The following FOXK1 variants were observed in gnomAD, a reference collection of about 807,000 sequenced individuals.
The protein encoded by FOXK1 is forkhead box protein K1.
A neutral mutation model predicts 51.9 loss-of-function variants in FOXK1; 19 were observed. The observed-to-expected ratio is 0.37, with a 90% confidence interval of 0.26 to 0.54. The LOEUF (loss-of-function observed/expected upper bound fraction) is 0.54, where lower values mean the gene tolerates loss of function less well. FOXK1 is among the 20% of genes least tolerant of loss of function. The probability of loss-of-function intolerance (pLI) is 0.87; values close to 1 mark genes in which losing one functional copy is unlikely to be tolerated. For synonymous variants in FOXK1, 537 were observed against 482.6 expected (o/e 1.11, Z -1.48); for missense variants, 870 against 1,032.7 (o/e 0.84, Z 2.16).
At position 4,707,524 on chromosome 7, in the gene FOXK1, A is replaced by G. The variant is rs1780117661; in HGVS notation, c.560+24656A>G. ...TTAAGATGTATTTAGCGACTCAAGT[A>G]TCTGCAGCAGCGAGAGGGTGGGTGT... On this transcript the variant is annotated intron_variant, in intron 1 of 8. Transcript: ENST00000328914. This position sits in a 1 kb window ranked among gnomAD's most constrained non-coding sequence, Gnocchi z 4.1. Among the ~76,000 whole-genome samples, 1 of 152,162 alleles carries G rather than the reference A, an allele frequency of 6.6e-6. No homozygotes were observed. Among genetic ancestry groups the G allele is most frequent in the Non-Finnish European group, 1.5e-5 (1 of 68,028 alleles).
chr7:4,685,371 C>T lies in FOXK1; in HGVS notation c.560+2503C>T, dbSNP rs377308367. Among the ~76,000 whole-genome samples, 50 of 151,722 alleles carry T rather than the reference C, an allele frequency of 3.3e-4. 1 individual carries two copies. In the South Asian group the frequency reaches 7.3e-3, roughly 22 times the overall value. ...CTGGGACTACAGGCGCACAACACCA[C>T]GCCCAGCTAATTCTTTGTATTTTTA... On this transcript the variant is annotated intron_variant, in intron 1 of 8. Transcript: ENST00000328914.
At chr7:4,746,219 C>T (rs1239583670) in intron 2 of FOXK1, among the ~76,000 whole-genome samples, 1 of 152,320 alleles carries the variant, frequency 6.6e-6, no homozygotes, top group East Asian at 1.9e-4. Flanking sequence ...AAATCTTTCC[C>T]TTTTAATCAT....
chr7:4,748,393 G>A lies in FOXK1; in HGVS notation c.747-6066G>A, dbSNP rs1028129452. 5.9e-5 allele frequency among the ~76,000 whole-genome samples: 9 copies of A among 152,172 alleles called. No individual in the cohort carries two copies. The highest frequency in any genetic ancestry group is 2.1e-4 in the South Asian group (1 of 4,826). On this transcript the variant is annotated intron_variant, in intron 2 of 8. Coordinates refer to ENST00000328914, the MANE Select transcript of FOXK1 (RefSeq NM_001037165.2). The surrounding 1 kb of genome is among the most constrained non-coding windows in gnomAD (Gnocchi z 4.9). ...CATGTCTGGTTTACCTTGCATGAGC[G>A]TTTTCTGTATTAGAACTGTGTAGTG...
intron 1 of FOXK1, among the ~76,000 whole-genome samples, chr7:4,687,592 C>T (rs1390873330): frequency 6.6e-6 from 1 of 152,096 alleles, no homozygotes; most frequent in Non-Finnish European, 1.5e-5. Flanking sequence ...CTACGCCCGG[C>T]CCCAACTGAA....
rs1311903427 is a variant in FOXK1 at position 4,762,428 on chromosome 7, A to C, written c.2166A>C (p.Ala722=). The C allele has an allele frequency of 1.3e-6, 2 of 1,547,348 alleles. No individual in the cohort carries two copies. Among genetic ancestry groups the C allele is most frequent in the Admixed American group, 3.9e-5 (2 of 51,124 alleles). ...TAACCACACCGGCTGGAGTGATCGC[A>C]GCTGCCGGCCCCCAGGGGCCAGGCA... ...GAVTTPAGVI[A]AAGPQGPGTG... The change falls in exon 9 of 9, where the codon GCA becomes GCC. Residue 722 remains alanine, a synonymous_variant. Transcript: ENST00000328914. The surrounding 1 kb of genome is among the most constrained non-coding windows in gnomAD (Gnocchi z 5.7).
rs537694502 is a variant in FOXK1, at chr7:4,715,718, T to C, written c.561-25120T>C. On this transcript the variant is annotated intron_variant, in intron 1 of 8. Transcript: ENST00000328914. This position sits in a 1 kb window ranked among gnomAD's most constrained non-coding sequence, Gnocchi z 4.5. ...CAGTCTGTAGTGCACGCCGTTAGAT[T>C]GGTTGTCATTGGCCAAGCCAGCTCC... 4.6e-5 allele frequency among the ~76,000 whole-genome samples: 7 copies of C among 152,320 alleles called. No individual in the cohort carries two copies. Among genetic ancestry groups the C allele is most frequent in the Non-Finnish European group, 1.0e-4 (7 of 68,036 alleles).
At chr7:4,684,434 TG>T (rs1241152192) in intron 1 of FOXK1, among the ~76,000 whole-genome samples, 1 of 152,202 alleles carries the variant, frequency 6.6e-6, no homozygotes, top group East Asian at 1.9e-4. Context: ...ACATCAACAA[TG>T]ACTCACTCCC....
At position 4,755,450 on chromosome 7, in the gene FOXK1, T is replaced by C. The variant is rs1780834632; in HGVS notation, c.1050+67T>C. 1.9e-6 allele frequency: 3 copies of C among 1,580,348 alleles called. No homozygotes were observed. Among genetic ancestry groups the C allele is most frequent in the Non-Finnish European group, 2.6e-6 (3 of 1,160,492 alleles). ...TTAGAACATGGAACTCACAGGCATATTGCTTCCCTTAAAACAGAAGAGGGC... is the reference window on the plus strand; with the variant it reads ...TTAGAACATGGAACTCACAGGCATACTGCTTCCCTTAAAACAGAAGAGGGC... On this transcript the variant is annotated intron_variant, in intron 4 of 8. Transcript: ENST00000328914. The surrounding 1 kb of genome is among the most constrained non-coding windows in gnomAD (Gnocchi z 6.6).
chr7:4,732,104 T>C (rs1183156071), intron 1 of FOXK1, among the ~76,000 whole-genome samples: 1 of 152,218 alleles, frequency 6.6e-6, no homozygotes, highest in African/African-American at 2.4e-5. Context: ...CTGCTACATT[T>C]ATCAAGCTGT....
At chr7:4,687,667 T>G (rs147600517) in intron 1 of FOXK1, among the ~76,000 whole-genome samples, 1 of 152,210 alleles carries the variant, frequency 6.6e-6, no homozygotes, top group Non-Finnish European at 1.5e-5. Flanking sequence ...TTTGTTTTCC[T>G]CATGAACCTG....
chr7:4,724,323 G>A (rs769253860), intron 1 of FOXK1, among the ~76,000 whole-genome samples: 1 of 152,144 alleles, frequency 6.6e-6, no homozygotes, highest in African/African-American at 2.4e-5. Flanking sequence ...AACCTCTCGG[G>A]TAGCTGGGAT....
In FOXK1 at chr7:4,722,591, C is replaced by G. The variant is rs990071077; in HGVS notation, c.561-18247C>G. 6.6e-6 allele frequency among the ~76,000 whole-genome samples: 1 copy of G among 152,246 alleles called. No individual in the cohort carries two copies. Among genetic ancestry groups the G allele is most frequent in the African/African-American group, 2.4e-5 (1 of 41,460 alleles). ...GCAGCACGGGCACACTCGTATACAA[C>G]GGGCACACATGCACGTCAGCCGCAC... On this transcript the variant is annotated intron_variant, in intron 1 of 8. Transcript: ENST00000328914. The surrounding 1 kb of genome is among the most constrained non-coding windows in gnomAD (Gnocchi z 5.1).
At chr7:4,684,555 T>G (rs1278385792) in intron 1 of FOXK1, among the ~76,000 whole-genome samples, 1 of 152,164 alleles carries the variant, frequency 6.6e-6, no homozygotes, top group Non-Finnish European at 1.5e-5. Flanking sequence ...GCCTCAGATA[T>G]TAGTGTGTTC....
At chr7:4,759,972 A>G (rs898678458) in intron 7 of FOXK1, 4 of 287,814 alleles carry the variant, frequency 1.4e-5, no homozygotes, top group Non-Finnish European at 2.6e-5. Context: ...CAGAGGTTGC[A>G]GTGAGCTAGA....
At position 4,729,399 on chromosome 7, in the gene FOXK1, T is replaced by C. The variant is rs7793919; in HGVS notation, c.561-11439T>C. Among the ~76,000 whole-genome samples, 103,413 of 151,606 alleles carry C rather than the reference T, an allele frequency of 0.68. 36,341 individuals are homozygous for C. Among genetic ancestry groups the C allele is most frequent in the East Asian group, 0.84 (4,304 of 5,102 alleles). On this transcript the variant is annotated intron_variant, in intron 1 of 8. Transcript: ENST00000328914. This position sits in a 1 kb window ranked among gnomAD's most constrained non-coding sequence, Gnocchi z 6.2. ...TGGGAGTCACCACGGGTCCCCATGT[T>C]GGGATTGGGAAGCAGTCACCTACCA...
At position 4,759,600 on chromosome 7, in the gene FOXK1, T is replaced by C; in HGVS notation, c.1696+5T>C. 2 of 1,533,238 alleles carry C rather than the reference T, an allele frequency of 1.3e-6. No homozygotes were observed. The highest frequency in any genetic ancestry group is 1.2e-5 in the South Asian group (1 of 83,822). The allele number at this position is 1,533,238 out of a possible 1,614,324, so 95.0% of individuals were successfully genotyped here. ...ACCTGGGCAGCGAGGCCAGAGGTAA[T>C]GCAGCCGCGGCTGGCAGCCTTCGCA... On this transcript the variant is annotated splice_donor_5th_base_variant and intron_variant, in intron 7 of 8. Transcript: ENST00000328914.
chr7:4,727,868 C>T (rs887280005), intron 1 of FOXK1, among the ~76,000 whole-genome samples: 9 of 152,198 alleles, frequency 5.9e-5, no homozygotes, highest in South Asian at 2.1e-4. Flanking sequence ...TGGGACTGTC[C>T]GTGGTCTTCA....
rs986838195 is a variant in FOXK1 at position 4,723,265 on chromosome 7, C to G, written c.561-17573C>G. On this transcript the variant is annotated intron_variant, in intron 1 of 8. Transcript: ENST00000328914. The surrounding 1 kb of genome is among the most constrained non-coding windows in gnomAD (Gnocchi z 4.7). ...TCAGCACCGAGCAAGTGGGCCTGGACCCTGAAGGATGTGGCTGCTGCCCGA... is the reference window on the plus strand; with the variant it reads ...TCAGCACCGAGCAAGTGGGCCTGGAGCCTGAAGGATGTGGCTGCTGCCCGA... 6.6e-6 allele frequency among the ~76,000 whole-genome samples: 1 copy of G among 151,950 alleles called. No homozygotes were observed. The highest frequency in any genetic ancestry group is 2.4e-5 in the African/African-American group (1 of 41,384).
chr7:4,729,605 C>T lies in FOXK1; in HGVS notation c.561-11233C>T, dbSNP rs913757978. On this transcript the variant is annotated intron_variant, in intron 1 of 8. Coordinates refer to ENST00000328914, the MANE Select transcript of FOXK1 (RefSeq NM_001037165.2). The surrounding 1 kb of genome is among the most constrained non-coding windows in gnomAD (Gnocchi z 6.2). ...GTCGGTGGCCATGGCTGTGCTTGGCCGCCTCTGTGGGGCTCTATCCTAATT... is the reference window on the plus strand; with the variant it reads ...GTCGGTGGCCATGGCTGTGCTTGGCTGCCTCTGTGGGGCTCTATCCTAATT... 6.6e-6 allele frequency among the ~76,000 whole-genome samples: 1 copy of T among 152,190 alleles called. No individual in the cohort carries two copies. Among genetic ancestry groups the T allele is most frequent in the Non-Finnish European group, 1.5e-5 (1 of 68,042 alleles).
Sources: gnomAD v4.1 joint callset for allele counts (sites outside exome capture counted in the v4.1 genomes callset) on GRCh38, gnomAD v4.1.1 for gene constraint, Gnocchi (gnomAD v3.1) non-coding constraint, MANE v1.5 for transcripts, NCBI Gene and HGNC (gene_info 2026-07-23, HGNC 2026-07-21) for gene names.